Variants in KDM5A observed in about 807,000 individuals in gnomAD.
KDM5A encodes lysine-specific demethylase 5A.
KDM5A carries 42 observed loss-of-function variants against 193.5 expected under a neutral mutation model. The observed-to-expected ratio is 0.22, with a 90% CI of 0.17 to 0.28. The LOEUF (loss-of-function observed/expected upper bound fraction) is 0.28. Ranked by LOEUF, KDM5A falls within the 10% of genes least tolerant of loss-of-function variation. The probability of loss-of-function intolerance (pLI) is 1.00; values close to 1 mark genes in which losing one functional copy is unlikely to be tolerated. For missense variants in KDM5A, 1,692 were observed against 2,055.1 expected, an observed-to-expected ratio of 0.82 and a Z score of 3.42; for synonymous variants, 796 against 718.1, an observed-to-expected ratio of 1.11 and a Z score of -1.73.
intron 24 of KDM5A, among the ~76,000 whole-genome samples, chr12:300,586 C>T (rs1943429725): frequency 1.3e-5 from 2 of 152,074 alleles, no homozygotes; most frequent in Admixed American, 6.5e-5. Context: ...AAGGAAAGAT[C>T]TAAAATCGAC....
chr12:340,052 T>TTA (rs1334663116), intron 10 of KDM5A, among the ~76,000 whole-genome samples: 1 of 151,996 alleles, frequency 6.6e-6, no homozygotes, highest in East Asian at 1.9e-4. Flanking sequence ...ATTTTTGTAT[T>TTA]TATTGTAGAG....
chr12:363,542 G>A (rs868262501), intron 4 of KDM5A, among the ~76,000 whole-genome samples: 5 of 152,144 alleles, frequency 3.3e-5, no homozygotes, highest in South Asian at 2.1e-4. Context: ...AACAAATGGC[G>A]CTGGTACTAC....
At chr12:348,592 T>C (rs1944109123) in intron 10 of KDM5A, among the ~76,000 whole-genome samples, 1 of 152,090 alleles carries the variant, frequency 6.6e-6, no homozygotes, top group Non-Finnish European at 1.5e-5. Flanking sequence ...GAAAAAACGA[T>C]GAGTTCATGT....
rs978149882 is a variant in KDM5A at position 354,022 on chromosome 12, T to C, written c.1029+54A>G. On this transcript the variant is annotated intron_variant, in intron 8 of 27. Transcript: ENST00000399788. Reference sequence around the variant, plus strand: ...GAATATGTTTATATGTAGGTGTATATGCATGTATTATTATTTTTAGTTAAA... The same window carrying C: ...GAATATGTTTATATGTAGGTGTATACGCATGTATTATTATTTTTAGTTAAA... 5.1e-5 allele frequency: 66 copies of C among 1,301,220 alleles called. No individual in the cohort carries two copies. In the African/African-American group the frequency reaches 8.4e-4, roughly 17 times the overall value. 80.6% of individuals were successfully genotyped at this position (1,301,220 alleles called of 1,614,324 possible). A position where few individuals can be genotyped will look rare whatever the true frequency, so the allele number is the denominator to read the frequency against.
intron 13 of KDM5A, 55 bp downstream of exon 13, chr12:331,764 T>C: frequency 6.2e-7 from 1 of 1,608,288 alleles, no homozygotes; most frequent in Non-Finnish European, 8.5e-7. Flanking sequence ...CTAAGCTGCT[T>C]TATATTTATA....
chr12:330,085 G>GTGTGTGTATATATATATATATATA (rs377271333), intron 13 of KDM5A, among the ~76,000 whole-genome samples: 1 of 139,376 alleles, frequency 7.2e-6, no homozygotes, highest in African/African-American at 2.7e-5. Flanking sequence ...GTGTGTGTGT[G>GTGTGTGTATATATATATATATATA]TATATATATA....
chr12:328,719 T>C (rs1943823994), intron 14 of KDM5A, 116 bp downstream of exon 14: 2 of 855,426 alleles, frequency 2.3e-6, no homozygotes, highest in Non-Finnish European at 3.8e-6. Flanking sequence ...CTTCTCCAAA[T>C]CAGTGATCTT....
intron 1 of KDM5A, among the ~76,000 whole-genome samples, chr12:386,324 T>C (rs1022565469): frequency 6.6e-6 from 1 of 152,244 alleles, no homozygotes; most frequent in Non-Finnish European, 1.5e-5. Flanking sequence ...GGTAATTTTA[T>C]GCAATATTTT....
intron 10 of KDM5A, among the ~76,000 whole-genome samples, chr12:345,461 A>G (rs894618818): frequency 6.6e-6 from 1 of 152,208 alleles, no homozygotes; most frequent in African/African-American, 2.4e-5. Flanking sequence ...GCAACAGAAT[A>G]TACATTCTGC....
intron 10 of KDM5A, among the ~76,000 whole-genome samples, chr12:343,227 C>T (rs1251177847): frequency 3.9e-5 from 6 of 152,172 alleles, no homozygotes; most frequent in Non-Finnish European, 7.3e-5. Flanking sequence ...GGGGGAGGGG[C>T]GTCCACCATT....
chr12:285,281 A>G lies in KDM5A; in HGVS notation c.*175T>C. The G allele has an allele frequency of 3.2e-6, 2 of 623,104 alleles. No individual in the cohort carries two copies. The highest frequency in any genetic ancestry group is 5.7e-6 in the Non-Finnish European group (2 of 348,408). 38.6% of individuals were successfully genotyped at this position (623,104 alleles called of 1,614,324 possible). A position where few individuals can be genotyped will look rare whatever the true frequency, so the allele number is the denominator to read the frequency against. Reference sequence around the variant, plus strand: ...ACACCCTCTGCATAGATATGTTGATAGAGAATGTAACCCACAGAGTCCATG... The same window carrying G: ...ACACCCTCTGCATAGATATGTTGATGGAGAATGTAACCCACAGAGTCCATG... On this transcript the variant is annotated 3_prime_UTR_variant, in exon 28 of 28. Transcript: ENST00000399788.
rs148769146 is a variant in KDM5A, at chr12:307,844, G to A, written c.3540C>T (p.Cys1180=). The A allele has an allele frequency of 7.5e-4, 1,213 of 1,614,148 alleles. 7 individuals are homozygous for A. The highest frequency in any genetic ancestry group is 4.6e-3 in the Middle Eastern group (28 of 6,062). Residue 1180 remains cysteine (C), a synonymous_variant, in exon 23 of 28, where the codon TGC becomes TGT. Coordinates refer to ENST00000399788, the MANE Select transcript of KDM5A (RefSeq NM_001042603.3). This position sits in a 1 kb window ranked among gnomAD's most constrained non-coding sequence, Gnocchi z 4.3. ...CACAGCTGTTATGGAACCAGTCTTT[G>A]CAGAGCTCACACTGTAGCATAAACC... The part of the protein sequence containing the change: ...ASGFMLQCEL[C]KDWFHNSCVP...
At chr12:382,615 T>C (rs1944587773) in intron 3 of KDM5A, among the ~76,000 whole-genome samples, 3 of 151,980 alleles carry the variant, frequency 2.0e-5, no homozygotes, top group South Asian at 2.1e-4. Context: ...AATAATAAAT[T>C]TGTATTATTG....
chr12:379,298 C>G (rs1345666538), intron 3 of KDM5A, among the ~76,000 whole-genome samples: 1 of 152,126 alleles, frequency 6.6e-6, no homozygotes, highest in Non-Finnish European at 1.5e-5. Flanking sequence ...CAGCCCAAGC[C>G]TCTTGCTAGA....
chr12:388,907 CTCTT>C lies in KDM5A; in HGVS notation c.165+16_165+19del. 1 of 1,613,732 alleles carries C rather than the reference CTCTT, an allele frequency of 6.2e-7. No individual in the cohort carries two copies. Among genetic ancestry groups the C allele is most frequent in the Non-Finnish European group, 8.5e-7 (1 of 1,179,600 alleles). ...CCCCCATTCTTCCTTCTCCCCCTCT[CTCTT>C]CACAGACTGAGGTACCTTGGGCGGC... is the stretch of plus-strand genomic sequence containing the variant. On this transcript the variant is annotated intron_variant, in intron 1 of 27. Transcript: ENST00000399788.
chr12:327,146 T>C (rs1391741393), intron 14 of KDM5A, among the ~76,000 whole-genome samples: 1 of 152,128 alleles, frequency 6.6e-6, no homozygotes, highest in Non-Finnish European at 1.5e-5. Context: ...GGAAGGTATG[T>C]TTAAAGAAGG....
intron 10 of KDM5A, among the ~76,000 whole-genome samples, chr12:338,172 T>C (rs1418290156): frequency 5.9e-5 from 9 of 151,976 alleles, no homozygotes; most frequent in Non-Finnish European, 1.2e-4. Context: ...ATCTAGACAC[T>C]TGAATGGTAA....
intron 24 of KDM5A, among the ~76,000 whole-genome samples, chr12:305,656 T>C (rs552302662): frequency 2.0e-5 from 3 of 152,362 alleles, no homozygotes; most frequent in African/African-American, 7.2e-5. Flanking sequence ...GACTGTAATC[T>C]GGCAGGGTCT....
chr12:353,716 A>T (rs1591927943), intron 8 of KDM5A, among the ~76,000 whole-genome samples: 1 of 152,026 alleles, frequency 6.6e-6, no homozygotes, highest in African/African-American at 2.4e-5. Flanking sequence ...AGGTCAAGAG[A>T]CCGAGACTAT....
Sources: gnomAD v4.1 joint callset for allele counts (sites outside exome capture counted in the v4.1 genomes callset) on GRCh38, gnomAD v4.1.1 for gene constraint, Gnocchi (gnomAD v3.1) non-coding constraint, MANE v1.5 for transcripts, NCBI Gene and HGNC (gene_info 2026-07-23, HGNC 2026-07-21) for gene names.